FCHSD2: variants seen among roughly 807,000 people sequenced by gnomAD.
The protein encoded by FCHSD2 is FCH and double SH3 domains 2, also known as F-BAR and double SH3 domains protein 2.
FCHSD2 carries 38 observed loss-of-function variants against 108.1 expected under a neutral mutation model. That is an observed-to-expected ratio of 0.35 (90% CI 0.27 to 0.46). FCHSD2 has a LOEUF of 0.46. Among genes scored for constraint, FCHSD2 ranks in the 20% least tolerant of loss-of-function variants. The pLI, the probability that FCHSD2 is intolerant of heterozygous loss-of-function variation, is 1.00. For synonymous variants in FCHSD2, 279 were observed against 314.7 expected, an observed-to-expected ratio of 0.89 and a Z score of 1.20; for missense variants, 751 against 897.8, an observed-to-expected ratio of 0.84 and a Z score of 2.09.
intron 2 of FCHSD2, among the ~76,000 whole-genome samples, chr11:73,093,885 G>A (rs1056442830): frequency 7.2e-5 from 11 of 151,768 alleles, no homozygotes; most frequent in African/African-American, 1.9e-4. Flanking sequence ...GATTACAGGC[G>A]TGAGCCACCA....
intron 13 of FCHSD2, among the ~76,000 whole-genome samples, chr11:72,856,303 G>A (rs1364663268): frequency 3.9e-5 from 6 of 151,994 alleles, no homozygotes; most frequent in South Asian, 4.1e-4. Flanking sequence ...AGGATATGAT[G>A]AGTCCAAAAG....
chr11:72,869,972 CTGAGT>C (rs751253280), intron 12 of FCHSD2, among the ~76,000 whole-genome samples: 14 of 152,090 alleles, frequency 9.2e-5, no homozygotes, highest in Non-Finnish European at 1.6e-4. Context: ...CACAGTTTGG[CTGAGT>C]TATTTCCTTC....
intron 13 of FCHSD2, among the ~76,000 whole-genome samples, chr11:72,852,166 G>C (rs1437357633): frequency 6.6e-6 from 1 of 152,030 alleles, no homozygotes; most frequent in East Asian, 1.9e-4. Context: ...TAAGATTATA[G>C]GAGTGAGCCA....
In FCHSD2 at chr11:73,142,164, G is replaced by A. The variant is rs1431234590; in HGVS notation, c.-287C>T. ...AGGAGGCGGAGACGGCGAGGGGGCG[G>A]GGGCCCCAGGAGCAGGGGCGCGAGG... On this transcript the variant is annotated 5_prime_UTR_variant, in exon 1 of 20. Transcript: ENST00000409418. 2.8e-5 allele frequency: 7 copies of A among 247,186 alleles called. No individual in the cohort carries two copies. Among genetic ancestry groups the A allele is most frequent in the South Asian group, 2.4e-4 (2 of 8,364 alleles). 15.3% of individuals were successfully genotyped at this position (247,186 alleles called of 1,614,324 possible).
At chr11:72,961,643 A>G (rs1275100704) in intron 8 of FCHSD2, among the ~76,000 whole-genome samples, 1 of 152,166 alleles carries the variant, frequency 6.6e-6, no homozygotes, top group Non-Finnish European at 1.5e-5. Context: ...GCAATTCCCT[A>G]CCCTGTTTGC....
chr11:72,914,889 C>T (rs570680269), intron 9 of FCHSD2, among the ~76,000 whole-genome samples: 17 of 149,146 alleles, frequency 1.1e-4, no homozygotes, highest in South Asian at 6.4e-4. Context: ...CAAATGGGAT[C>T]TAATAAAACT....
intron 2 of FCHSD2, among the ~76,000 whole-genome samples, chr11:73,086,138 T>C (rs1464434808): frequency 6.6e-6 from 1 of 152,250 alleles, no homozygotes; most frequent in Non-Finnish European, 1.5e-5. Flanking sequence ...CTGGGCTCAG[T>C]GGCTCACGCC....
intron 3 of FCHSD2, among the ~76,000 whole-genome samples, chr11:73,066,550 A>G (rs549263625): frequency 6.6e-6 from 1 of 152,356 alleles, no homozygotes; most frequent in East Asian, 1.9e-4. Flanking sequence ...CATCAGAGTG[A>G]ACAGGCAACC....
intron 9 of FCHSD2, among the ~76,000 whole-genome samples, chr11:72,920,505 C>T (rs937923776): frequency 2.6e-5 from 4 of 152,112 alleles, no homozygotes; most frequent in African/African-American, 9.7e-5. Flanking sequence ...CTTTGAGAGG[C>T]AAGGCGGGTG....
chr11:72,902,881 G>A (rs550072693), intron 9 of FCHSD2, among the ~76,000 whole-genome samples: 2 of 152,204 alleles, frequency 1.3e-5, no homozygotes, highest in South Asian at 4.2e-4. Flanking sequence ...CAGATTTGGG[G>A]ACTGGACAAT....
chr11:73,085,346 T>C (rs1177519205), intron 2 of FCHSD2, among the ~76,000 whole-genome samples: 1 of 152,142 alleles, frequency 6.6e-6, no homozygotes, highest in Non-Finnish European at 1.5e-5. Context: ...AGGTAACAAT[T>C]GCACTGGCAG....
At position 72,894,732 on chromosome 11, in the gene FCHSD2, A is replaced by T. The variant is rs116818176; in HGVS notation, c.925-4787T>A. On this transcript the variant is annotated intron_variant, in intron 10 of 19. Transcript: ENST00000409418. Reference sequence around the variant, plus strand: ...CAAAATGCTCTGAAAAAGAATAAGTATTTTTTGGTAAGTTTGGAGCCAAAA... The same window carrying T: ...CAAAATGCTCTGAAAAAGAATAAGTTTTTTTTGGTAAGTTTGGAGCCAAAA... Among the ~76,000 whole-genome samples the T allele has an allele frequency of 9.5e-3, 1,442 of 152,262 alleles. 24 individuals are homozygous for T. The highest frequency in any genetic ancestry group is 0.032 in the African/African-American group (1,318 of 41,550).
intron 8 of FCHSD2, chr11:72,941,114 A>G (rs1413824719): frequency 3.9e-6 from 2 of 507,734 alleles, no homozygotes; most frequent in Admixed American, 3.2e-5. Context: ...TACCACTAAT[A>G]TAAGTAAAGT....
chr11:72,906,515 A>ATGGGCCTATGCCCATGCC (rs1855634211), intron 9 of FCHSD2, among the ~76,000 whole-genome samples: 1 of 152,080 alleles, frequency 6.6e-6, no homozygotes, highest in African/African-American at 2.4e-5. Context: ...CTATGTCCTG[A>ATGGGCCTATGCCCATGCC]ATGGTATTGC....
chr11:72,896,764 T>TAAAAAAAAAAA (rs58159831), intron 10 of FCHSD2, among the ~76,000 whole-genome samples: 34 of 68,366 alleles, frequency 5.0e-4, no homozygotes, highest in Non-Finnish European at 7.5e-4. Context: ...GGGAAAATAC[T>TAAAAAAAAAAA]AAAAAAAAAA....
intron 3 of FCHSD2, among the ~76,000 whole-genome samples, chr11:73,021,625 G>C (rs1042513578): frequency 2.6e-5 from 4 of 151,724 alleles, no homozygotes; most frequent in Admixed American, 1.3e-4. Context: ...TTAATACCTG[G>C]GTAACGAAAT....
At chr11:73,105,479 G>A (rs1054167404) in intron 2 of FCHSD2, among the ~76,000 whole-genome samples, 4 of 152,132 alleles carry the variant, frequency 2.6e-5, no homozygotes, top group African/African-American at 7.2e-5. Flanking sequence ...AGATAACTTG[G>A]GAAGTGAAAA....
At chr11:73,037,911 T>A (rs896715642) in intron 3 of FCHSD2, among the ~76,000 whole-genome samples, 1 of 152,148 alleles carries the variant, frequency 6.6e-6, no homozygotes, top group African/African-American at 2.4e-5. Flanking sequence ...TTATATCCAA[T>A]CCCTCACCAA....
intron 3 of FCHSD2, among the ~76,000 whole-genome samples, chr11:73,071,733 A>T (rs1197998367): frequency 6.6e-6 from 1 of 151,946 alleles, no homozygotes; most frequent in Non-Finnish European, 1.5e-5. Flanking sequence ...CCAGTAGTAG[A>T]TTATTTGAAG....
Sources: allele counts gnomAD v4.1 joint callset (sites outside exome capture counted in the v4.1 genomes callset), GRCh38; gene constraint gnomAD v4.1.1; transcripts MANE v1.5; gene names NCBI Gene and HGNC (gene_info 2026-07-23, HGNC 2026-07-21).